RTEL1: variants seen among roughly 807,000 people sequenced by gnomAD.
RTEL1 encodes regulator of telomere elongation helicase 1.
Under a neutral mutation model 162.2 loss-of-function variants are expected in RTEL1, and 86 were observed. The ratio of observed to expected loss-of-function variants is 0.53; its 90% confidence interval spans 0.45 to 0.63. The LOEUF is 0.63. RTEL1 is among the 30% of genes least tolerant of loss of function. The pLI is 0.00. For missense variants in RTEL1, 1,941 were observed against 1,750.2 expected (o/e 1.11, Z -1.95); for synonymous variants, 958 against 717.9 (o/e 1.33, Z -5.35).
chr20:63,672,538 C>T lies in RTEL1; in HGVS notation c.700-18C>T, dbSNP rs1463196593. 1.3e-6 allele frequency: 2 copies of T among 1,565,872 alleles called. No homozygotes were observed. Among genetic ancestry groups the T allele is most frequent in the African/African-American group, 2.7e-5 (2 of 74,036 alleles). ...CTCTGTGAGCTCCAGCGCTGCGTCC[C>T]TTCTCTTCCTCCTGTAGAGCCGCAG... On this transcript the variant is annotated intron_variant, in intron 8 of 34. Coordinates refer to ENST00000360203, the MANE Select transcript of RTEL1 (RefSeq NM_001283009.2).
chr20:63,681,749 T>C, intron 14 of RTEL1: 1 of 985,258 alleles, frequency 1.0e-6, no homozygotes, highest in Non-Finnish European at 1.2e-6. Context: ...CAGCCCTCCC[T>C]CCACTGTGGC....
rs561801892 is a variant in RTEL1, at chr20:63,694,692, TCA to T, written c.3110-48_3110-47del. 25 of 1,478,076 alleles carry T rather than the reference TCA, an allele frequency of 1.7e-5. No individual in the cohort carries two copies. The East Asian group carries it at 5.3e-4, about 32-fold the overall frequency. The allele number at this position is 1,478,076 out of a possible 1,614,324, so 91.6% of individuals were successfully genotyped here. Reference sequence around the variant, plus strand: ...AAGGGCGGGCAGGGCGGTGGGACTCTCAGTCCTCCACCCCAGCGCCACTCTGA... The same window carrying T: ...AAGGGCGGGCAGGGCGGTGGGACTCTGTCCTCCACCCCAGCGCCACTCTGA... On this transcript the variant is annotated intron_variant, in intron 31 of 34. Transcript: ENST00000360203.
chr20:63,667,993 A>C (rs1230623547), intron 8 of RTEL1, among the ~76,000 whole-genome samples: 1 of 118,216 alleles, frequency 8.5e-6, no homozygotes, highest in Non-Finnish European at 1.8e-5. Context: ...TTCCCAGTGC[A>C]TGCCCGGCCC....
Position 63,695,819 on chromosome 20 carries a change from G to A in RTEL1, c.3864G>A (p.Lys1288=), listed in dbSNP as rs1278011802. The change falls in exon 35 of 35, where the codon AAG becomes AAA. Residue 1288 remains lysine (K), a synonymous_variant. Transcript: ENST00000360203. Reference sequence around the variant, plus strand: ...CAGCCTGCCACACCGCCTCCAGGAAGCAGAGCGTCATGCAGGTCTTCTGGC... The same window carrying A: ...CAGCCTGCCACACCGCCTCCAGGAAACAGAGCGTCATGCAGGTCTTCTGGC... ...MCPACHTASR[K]QSVMQVFWPE... is the part of the protein sequence containing the mutation. 1.7e-5 allele frequency: 28 copies of A among 1,600,618 alleles called. No homozygotes were observed. Among genetic ancestry groups the A allele is most frequent in the East Asian group, 2.2e-5 (1 of 44,476 alleles).
chr20:63,695,115 G>A lies in RTEL1; in HGVS notation c.3393G>A (p.Thr1131=), dbSNP rs142965557. Residue 1131 remains threonine, a synonymous_variant, in exon 33 of 35, where the codon ACG becomes ACA. Coordinates refer to ENST00000360203, the MANE Select transcript of RTEL1 (RefSeq NM_001283009.2). Reference sequence around the variant, plus strand: ...ACCACAAGCAGCGCTTCTCACAGACGTGCACAGACCTGACCGGCCGGCCCT... The same window carrying A: ...ACCACAAGCAGCGCTTCTCACAGACATGCACAGACCTGACCGGCCGGCCCT... ...RPHHKQRFSQ[T]CTDLTGRPYP... 251 of 1,612,376 alleles carry A rather than the reference G, an allele frequency of 1.6e-4. No homozygotes were observed. The highest frequency in any genetic ancestry group is 5.0e-4 in the Middle Eastern group (3 of 6,060).
rs113911531 is a variant in RTEL1 at position 63,693,463 on chromosome 20, C to T, written c.2992+180C>T. 0.59 allele frequency among the ~76,000 whole-genome samples: 9,702 copies of T among 16,478 alleles called. 2,065 individuals carry two copies. The highest frequency in any genetic ancestry group is 0.66 in the South Asian group (425 of 640). The allele number at this position is 16,478 out of a possible 152,430, so 10.8% of individuals were successfully genotyped here. Reference sequence around the variant, plus strand: ...AGCACCAGCAGCACCACCTCCACCTCCACCTCCACCTCCACCTCCACCACC... The same window carrying T: ...AGCACCAGCAGCACCACCTCCACCTTCACCTCCACCTCCACCTCCACCACC... On this transcript the variant is annotated intron_variant, in intron 30 of 34. Transcript: ENST00000360203.
At chr20:63,693,462 T>TTCACCACCACCACCA (rs377133003) in intron 30 of RTEL1, among the ~76,000 whole-genome samples, 179 bp downstream of exon 30, 1 of 9,546 alleles carries the variant, frequency 1.0e-4, no homozygotes, top group Non-Finnish European at 2.1e-4. Flanking sequence ...CACCTCCACC[T>TTCACCACCACCACCA]CCACCTCCAC....
chr20:63,687,991 G>T lies in RTEL1; in HGVS notation c.1536G>T (p.Trp512Cys). 6.2e-7 allele frequency: 1 copy of T among 1,612,816 alleles called. No homozygotes were observed. The highest frequency in any genetic ancestry group is 8.5e-7 in the Non-Finnish European group (1 of 1,179,980). Residue 512 changes from tryptophan to cysteine, a missense_variant, in exon 18 of 35, where the codon TGG becomes TGT. Transcript: ENST00000360203. ...ACATCATCGACAAGCACCAGATCTG[G>T]GTGGGGGTCGTCCCCAGAGGCCCCG... The part of the protein sequence containing the change: ...NPHIIDKHQI[W>C]VGVVPRGPDG...
rs2089952712 is a variant in RTEL1, at chr20:63,658,435, T to C, written c.-202T>C. 1 of 152,424 alleles carries C rather than the reference T, an allele frequency of 6.6e-6. No individual in the cohort carries two copies. Among genetic ancestry groups the C allele is most frequent in the Non-Finnish European group, 1.5e-5 (1 of 68,090 alleles). 9.4% of individuals were successfully genotyped at this position (152,424 alleles called of 1,614,324 possible). A position where few individuals can be genotyped will look rare whatever the true frequency, so the allele number is the denominator to read the frequency against. On this transcript the variant is annotated 5_prime_UTR_variant, in exon 1 of 35. Transcript: ENST00000360203. ...GGTTGAGTTCCTGAGGGACCCCGGT[T>C]CTGGAAGGTTCGCCGCGGAGACAAG... is the stretch of plus-strand genomic sequence containing the variant.
In RTEL1 at chr20:63,693,195, T is replaced by A. The variant is rs1474203821; in HGVS notation, c.2904T>A (p.Cys968Ter). ...ATAAGCAGCAGTTTGAGGAGGTCTG[T>A]ATCCAGCTGACAGGACGAGGCTGTG... ...PHHKQQFEEV[C>*]IQLTGRGCGY... Residue 968 changes from cysteine to a stop codon, truncating the protein, a stop_gained, in exon 30 of 35, where the codon TGT becomes TGA. Transcript: ENST00000360203. LOFTEE classifies it high-confidence loss of function. The A allele has an allele frequency of 1.2e-6, 2 of 1,612,156 alleles. No individual in the cohort carries two copies.
chr20:63,694,421 G>A lies in RTEL1; in HGVS notation c.3042G>A (p.Gln1014=), dbSNP rs1601194512. ...TGACCGTGTCCACGGCTGCAGCCCA[G>A]CAGCTGGACCCCCAAGAGCACCTGA... The part of the protein sequence containing the change: ...PKLTVSTAAA[Q]QLDPQEHLNQ... Residue 1014 remains glutamine (Q), a synonymous_variant, in exon 31 of 35, where the codon CAG becomes CAA. Transcript: ENST00000360203. The A allele has an allele frequency of 2.5e-6, 4 of 1,612,296 alleles. No homozygotes were observed. In the Admixed American group the frequency reaches 6.7e-5, roughly 27 times the overall value.
chr20:63,691,125 C>T (rs184679473), intron 27 of RTEL1, among the ~76,000 whole-genome samples, 178 bp downstream of exon 27: 74 of 152,188 alleles, frequency 4.9e-4, no homozygotes, highest in African/African-American at 1.8e-3. Flanking sequence ...TCCTCCACCC[C>T]ACCTCACCCA....
chr20:63,680,504 G>A (rs1226463678), intron 13 of RTEL1, among the ~76,000 whole-genome samples, 160 bp from the exon 14 acceptor site: 1 of 152,234 alleles, frequency 6.6e-6, no homozygotes, highest in Non-Finnish European at 1.5e-5. Context: ...CAGGCGAACT[G>A]CCCGCCCTGA....
intron 2 of RTEL1, among the ~76,000 whole-genome samples, chr20:63,659,740 C>T (rs972585618): frequency 2.6e-5 from 4 of 152,084 alleles, no homozygotes; most frequent in African/African-American, 4.8e-5. Context: ...TCAGGCGGGA[C>T]GAGAGACTGA....
intron 30 of RTEL1, 33 bp from the exon 31 acceptor site, chr20:63,694,339 G>C (rs199621121): frequency 7.7e-6 from 10 of 1,291,092 alleles, no homozygotes; most frequent in Non-Finnish European, 9.9e-6. Context: ...AGATGCTCTC[G>C]ACCAGCTTTG....
In RTEL1 at chr20:63,693,489, ACCTCCACCTCCACCACCACCT is replaced by A. The variant is rs1568720278; in HGVS notation, c.2992+215_2992+235del. Among the ~76,000 whole-genome samples the A allele has an allele frequency of 1.4e-4, 4 of 29,220 alleles. 1 individual carries two copies. Among genetic ancestry groups the A allele is most frequent in the East Asian group, 1.7e-3 (2 of 1,174 alleles). 19.2% of individuals were successfully genotyped at this position (29,220 alleles called of 152,430 possible). On this transcript the variant is annotated intron_variant, in intron 30 of 34. Transcript: ENST00000360203. ...CACCTCCACCTCCACCTCCACCACCACCTCCACCTCCACCACCACCTCCTCCACCACCACCACCTCCACCAC... is the reference window on the plus strand; with the variant it reads ...CACCTCCACCTCCACCTCCACCACCACCTCCACCACCACCACCTCCACCAC...
intron 6 of RTEL1, 132 bp from the exon 7 acceptor site, chr20:63,665,872 C>T (rs568670420): frequency 1.3e-5 from 9 of 710,208 alleles, no homozygotes; most frequent in South Asian, 9.9e-5. Flanking sequence ...TGCTTTGTGG[C>T]GCGTTCACGG....
Position 63,672,648 on chromosome 20 carries a change from C to T in RTEL1, c.765+27C>T, listed in dbSNP as rs376899751. On this transcript the variant is annotated intron_variant, in intron 9 of 34. Coordinates refer to ENST00000360203, the MANE Select transcript of RTEL1 (RefSeq NM_001283009.2). ...TGAGTCTCCGCTGGCCTCCTAAACA[C>T]CTCCTATTGCTTCTGGCCTTTTTGT... The T allele has an allele frequency of 3.2e-6, 5 of 1,544,516 alleles. No individual in the cohort carries two copies. The African/African-American group carries it at 6.8e-5, about 21-fold the overall frequency.
chr20:63,689,213 C>T, intron 22 of RTEL1, 81 bp downstream of exon 22: 23 of 1,373,464 alleles, frequency 1.7e-5, no homozygotes, highest in Non-Finnish European at 2.1e-5. Flanking sequence ...AGACTCTGGG[C>T]CCTGGGGGCT....
Sources: gnomAD v4.1 joint callset for allele counts (sites outside exome capture counted in the v4.1 genomes callset) on GRCh38, gnomAD v4.1.1 for gene constraint, MANE v1.5 for transcripts, NCBI Gene and HGNC (gene_info 2026-07-23, HGNC 2026-07-21) for gene names.